Variants in PRDM16 observed in about 807,000 individuals in gnomAD.
PRDM16 encodes histone-lysine N-methyltransferase PRDM16.
A neutral mutation model predicts 110.6 loss-of-function variants in PRDM16; 23 were observed. That is an observed-to-expected ratio of 0.21 (90% CI 0.15 to 0.29). The LOEUF (loss-of-function observed/expected upper bound fraction) is 0.29. Among genes scored for constraint, PRDM16 ranks in the 10% least tolerant of loss-of-function variants. The pLI is 1.00. For missense variants in PRDM16, 1,615 were observed against 1,794.3 expected, an observed-to-expected ratio of 0.90 and a Z score of 1.81; for synonymous variants, 799 against 781.8, an observed-to-expected ratio of 1.02 and a Z score of -0.37.
chr1:3,090,405 C>T (rs1016603853), intron 1 of PRDM16, among the ~76,000 whole-genome samples: 10 of 152,222 alleles, frequency 6.6e-5, no homozygotes, highest in Non-Finnish European at 1.0e-4. Flanking sequence ...GATTGGTGGC[C>T]GCCGTTCGGC....
At position 3,412,436 on chromosome 1, in the gene PRDM16, C is replaced by G. The variant is rs1362090844; in HGVS notation, c.2239C>G (p.His747Asp). ...CCCCTTCACGGACCGAGCCCTCGCC[C>G]ACAACTTGCTGGTCAAGGCCGAGCC... ...LYPFTDRALA[H>D]NLLVKAEPKS... Residue 747 changes from histidine (H) to aspartate (D), a missense_variant, in exon 9 of 17, where the codon CAC becomes GAC. Physicochemically the swap from His to Asp is moderately conservative, Grantham distance 81. Coordinates refer to ENST00000270722, the MANE Select transcript of PRDM16 (RefSeq NM_022114.4). 19 of 1,612,578 alleles carry G rather than the reference C, an allele frequency of 1.2e-5. No individual in the cohort carries two copies. The highest frequency in any genetic ancestry group is 1.6e-5 in the Non-Finnish European group (19 of 1,179,466).
intron 12 of PRDM16, among the ~76,000 whole-genome samples, chr1:3,419,721 G>A (rs942921277): frequency 6.6e-6 from 1 of 152,050 alleles, no homozygotes; most frequent in African/African-American, 2.4e-5. Flanking sequence ...GCAGGCACTG[G>A]GGACTCAGTC....
chr1:3,116,297 C>A (rs769349483), intron 1 of PRDM16, among the ~76,000 whole-genome samples: 1 of 152,146 alleles, frequency 6.6e-6, no homozygotes, highest in Non-Finnish European at 1.5e-5. Flanking sequence ...GGCTGCCCTG[C>A]GCCGGCGTGC....
intron 3 of PRDM16, among the ~76,000 whole-genome samples, chr1:3,288,476 G>A (rs1640905252): frequency 6.6e-6 from 1 of 152,174 alleles, no homozygotes; most frequent in South Asian, 2.1e-4. Flanking sequence ...TGAATCCCAG[G>A]GTCCTGGCTG....
intron 4 of PRDM16, among the ~76,000 whole-genome samples, chr1:3,387,419 A>G (rs1643218148): frequency 6.6e-6 from 1 of 152,212 alleles, no homozygotes; most frequent in Non-Finnish European, 1.5e-5. Context: ...AGCAAATGCA[A>G]CACCAAAATG....
intron 10 of PRDM16, among the ~76,000 whole-genome samples, chr1:3,416,423 G>A (rs912301845): frequency 2.0e-5 from 3 of 152,154 alleles, no homozygotes; most frequent in African/African-American, 7.2e-5. Flanking sequence ...CACCTCTGTG[G>A]AGCTGGCTCT....
chr1:3,357,473 G>A (rs1488673400), intron 3 of PRDM16, among the ~76,000 whole-genome samples: 1 of 148,546 alleles, frequency 6.7e-6, no homozygotes, highest in Non-Finnish European at 1.5e-5. Context: ...CACGGGGCCT[G>A]GCCAGTGGCC....
At chr1:3,086,605 A>AAGGG (rs1019800786) in intron 1 of PRDM16, among the ~76,000 whole-genome samples, 25 of 152,010 alleles carry the variant, frequency 1.6e-4, no homozygotes, top group Non-Finnish European at 2.9e-4. Flanking sequence ...AAGGGCTGGG[A>AAGGG]AGGGAGGCTG....
At chr1:3,338,262 C>T (rs1194132794) in intron 3 of PRDM16, among the ~76,000 whole-genome samples, 3 of 152,244 alleles carry the variant, frequency 2.0e-5, no homozygotes, top group African/African-American at 4.8e-5. Flanking sequence ...CCAGGGCTTC[C>T]GTGGTCCTGC....
rs185152698 is a variant in PRDM16 at position 3,348,607 on chromosome 1, G to T, written c.439-36545G>T. On this transcript the variant is annotated intron_variant, in intron 3 of 16. Transcript: ENST00000270722. ...CCATGGCCTCCAGCAGAAGGAGGGG[G>T]GCTTCCCCGGAGCTTTGAACTCACA... Among the ~76,000 whole-genome samples the T allele has an allele frequency of 2.6e-5, 4 of 152,378 alleles. No homozygotes were observed. In the East Asian group the frequency reaches 7.7e-4, roughly 29 times the overall value.
At chr1:3,186,497 G>C (rs770035213) in intron 2 of PRDM16, 23 bp downstream of exon 2, 1 of 1,370,732 alleles carries the variant, frequency 7.3e-7, no homozygotes, top group Non-Finnish European at 9.9e-7. Flanking sequence ...GCCTGAGTAT[G>C]ATTGATCACG....
rs760052519 is a variant in PRDM16, at chr1:3,411,057, CATAT to C, written c.1187-326_1187-323del. ...CTTGGGTGGGGCGCATGCACACACA[CATAT>C]GTTTCCACATGCTCATGTGTGCACA... On this transcript the variant is annotated intron_variant, in intron 8 of 16. Coordinates refer to ENST00000270722, the MANE Select transcript of PRDM16 (RefSeq NM_022114.4). 1.5e-3 allele frequency among the ~76,000 whole-genome samples: 228 copies of C among 152,244 alleles called. 1 individual carries two copies. Among genetic ancestry groups the C allele is most frequent in the Middle Eastern group, 6.8e-3 (2 of 294 alleles).
chr1:3,355,408 G>C (rs1271654932), intron 3 of PRDM16, among the ~76,000 whole-genome samples: 5 of 152,162 alleles, frequency 3.3e-5, no homozygotes, highest in Non-Finnish European at 5.9e-5. Flanking sequence ...GCCTGGCGGG[G>C]GGCTTGGCCT....
At chr1:3,360,136 A>G (rs1200109647) in intron 3 of PRDM16, among the ~76,000 whole-genome samples, 2 of 152,152 alleles carry the variant, frequency 1.3e-5, no homozygotes, top group African/African-American at 4.8e-5. Flanking sequence ...TGTAATGCTG[A>G]ACATATGTGC....
chr1:3,404,127 CTGCTT>C (rs1478045932), intron 6 of PRDM16, among the ~76,000 whole-genome samples: 2 of 152,232 alleles, frequency 1.3e-5, no homozygotes, highest in Non-Finnish European at 2.9e-5. Context: ...TGATATATCA[CTGCTT>C]TGCTCATGAA....
At chr1:3,162,690 G>T (rs761116790) in intron 1 of PRDM16, among the ~76,000 whole-genome samples, 1 of 152,230 alleles carries the variant, frequency 6.6e-6, no homozygotes, top group Non-Finnish European at 1.5e-5. Context: ...TGTGGAAAAC[G>T]CGGAGCCAGG....
At chr1:3,071,321 G>A (rs149807614) in intron 1 of PRDM16, among the ~76,000 whole-genome samples, 120 of 152,390 alleles carry the variant, frequency 7.9e-4, no homozygotes, top group African/African-American at 2.8e-3. Context: ...GACCAGAAGT[G>A]GTGCCTGGCA....
At chr1:3,299,782 G>C (rs547765959) in intron 3 of PRDM16, among the ~76,000 whole-genome samples, 697 of 86,162 alleles carry the variant, frequency 8.1e-3, no homozygotes, top group African/African-American at 0.025. Flanking sequence ...ATGCTATGCT[G>C]TGGCTGTGAT....
chr1:3,438,298 C>A lies in PRDM16; in HGVS notation c.*4487C>A. On this transcript the variant is annotated 3_prime_UTR_variant, in exon 17 of 17. Coordinates refer to ENST00000270722, the MANE Select transcript of PRDM16 (RefSeq NM_022114.4). ...CACTTATTGAATATGTGATTAGGAT[C>A]TACGTCTGAGACTAGGAGTCCTGAA... is the stretch of plus-strand genomic sequence containing the variant. 1 of 200,852 alleles carries A rather than the reference C, an allele frequency of 5.0e-6. No individual in the cohort carries two copies. Among genetic ancestry groups the A allele is most frequent in the Non-Finnish European group, 1.0e-5 (1 of 97,374 alleles). The allele number at this position is 200,852 out of a possible 1,614,324, so 12.4% of individuals were successfully genotyped here.
Sources: gnomAD v4.1 joint callset for allele counts (sites outside exome capture counted in the v4.1 genomes callset) on GRCh38, gnomAD v4.1.1 for gene constraint, MANE v1.5 for transcripts, NCBI Gene and HGNC (gene_info 2026-07-23, HGNC 2026-07-21) for gene names.